GNA14: variants seen among roughly 807,000 people sequenced by gnomAD.
GNA14 encodes guanine nucleotide-binding protein subunit alpha-14.
GNA14 carries 50 observed loss-of-function variants against 42.0 expected under a neutral mutation model. The observed-to-expected ratio is 1.19, with a 90% CI of 0.95 to 1.51. The LOEUF is 1.51. Among genes scored for constraint, GNA14 ranks in the 40% most tolerant of loss-of-function variants. The probability of loss-of-function intolerance (pLI) is 0.00; values close to 1 mark genes in which losing one functional copy is unlikely to be tolerated. For synonymous variants in GNA14, 173 were observed against 163.1 expected (o/e 1.06, Z -0.46); for missense variants, 473 against 446.2 (o/e 1.06, Z -0.54).
intron 1 of GNA14, among the ~76,000 whole-genome samples, chr9:77,623,740 A>G (rs1316350504): frequency 2.0e-5 from 3 of 152,184 alleles, no homozygotes; most frequent in Non-Finnish European, 4.4e-5. Context: ...TCTGGCCCCA[A>G]TACTACACTT....
In GNA14 at chr9:77,564,311, A is replaced by C. The variant is rs561746434; in HGVS notation, c.125-35058T>G. On this transcript the variant is annotated intron_variant, in intron 1 of 6. Coordinates refer to ENST00000341700, the MANE Select transcript of GNA14 (RefSeq NM_004297.4). The stretch of plus-strand genomic sequence containing the variant: ...CAGCACAATTTAAAAAAAAAAAAAA[A>C]AAACTTATTTTTAAGAGACAAGGGA... Among the ~76,000 whole-genome samples the C allele has an allele frequency of 9.1e-3, 1,381 of 151,588 alleles. 31 individuals carry two copies. Among genetic ancestry groups the C allele is most frequent in the African/African-American group, 0.032 (1,310 of 41,326 alleles).
At chr9:77,464,599 C>T (rs1483873861) in intron 2 of GNA14, among the ~76,000 whole-genome samples, 3 of 152,002 alleles carry the variant, frequency 2.0e-5, no homozygotes, top group Non-Finnish European at 4.4e-5. Flanking sequence ...ATTCAAAACA[C>T]ACAAGTCAAT....
At position 77,454,052 on chromosome 9, in the gene GNA14, C is replaced by T. The variant is rs115498591; in HGVS notation, c.310-19530G>A. On this transcript the variant is annotated intron_variant, in intron 2 of 6. Coordinates refer to ENST00000341700, the MANE Select transcript of GNA14 (RefSeq NM_004297.4). ...GCACAGGCACAAAGCTCAGGCTCCT[C>T]GCCCGCTCCGTGCAGCATCCGATCT... Among the ~76,000 whole-genome samples, 394 of 152,314 alleles carry T rather than the reference C, an allele frequency of 2.6e-3. 2 individuals carry two copies. Among genetic ancestry groups the T allele is most frequent in the African/African-American group, 7.8e-3 (323 of 41,562 alleles).
rs546079999 is a variant in GNA14, at chr9:77,427,538, C to T, written c.723+1369G>A. ...TGAGTCCTTTATTGATTTACTTTCA[C>T]GCCTTGGAAACAAAAGACATTTTTT... is the stretch of plus-strand genomic sequence containing the variant. On this transcript the variant is annotated intron_variant, in intron 5 of 6. Coordinates refer to ENST00000341700, the MANE Select transcript of GNA14 (RefSeq NM_004297.4). 5.4e-5 allele frequency among the ~76,000 whole-genome samples: 7 copies of T among 129,080 alleles called. No individual in the cohort carries two copies. In the East Asian group the frequency reaches 6.0e-4, roughly 11 times the overall value. The allele number at this position is 129,080 out of a possible 152,430, so 84.7% of individuals were successfully genotyped here. A position where few individuals can be genotyped will look rare whatever the true frequency, so the allele number is the denominator to read the frequency against.
At chr9:77,572,011 G>T (rs983676355) in intron 1 of GNA14, among the ~76,000 whole-genome samples, 1 of 151,954 alleles carries the variant, frequency 6.6e-6, no homozygotes, top group Non-Finnish European at 1.5e-5. Context: ...GGTTTCTAGC[G>T]ATTTCAATTG....
intron 2 of GNA14, among the ~76,000 whole-genome samples, chr9:77,468,406 T>C (rs922404279): frequency 2.6e-5 from 4 of 152,224 alleles, no homozygotes; most frequent in African/African-American, 9.7e-5. Context: ...AGGTCTGAAA[T>C]CTTTCCTTTT....
At chr9:77,469,534 CA>C (rs11406003) in intron 2 of GNA14, among the ~76,000 whole-genome samples, 106 of 144,786 alleles carry the variant, frequency 7.3e-4, no homozygotes, top group Admixed American at 1.1e-3. Flanking sequence ...GACTGACAAC[CA>C]AAAAAAAAAA....
At chr9:77,587,125 A>AAAAG (rs1333350526) in intron 1 of GNA14, among the ~76,000 whole-genome samples, 1 of 151,840 alleles carries the variant, frequency 6.6e-6, no homozygotes, top group East Asian at 2.0e-4. Flanking sequence ...TACTTAAAAA[A>AAAAG]AAAAGAAAAG....
intron 1 of GNA14, among the ~76,000 whole-genome samples, chr9:77,609,130 G>A (rs1361415151): frequency 2.0e-5 from 3 of 152,090 alleles, no homozygotes; most frequent in East Asian, 3.8e-4. Flanking sequence ...AAGCAGTCAG[G>A]AAGAACCAAG....
intron 2 of GNA14, among the ~76,000 whole-genome samples, chr9:77,481,978 A>G (rs1344906836): frequency 6.6e-6 from 1 of 152,106 alleles, no homozygotes; most frequent in Non-Finnish European, 1.5e-5. Flanking sequence ...AATACAGCAC[A>G]CTGATGGGTC....
intron 1 of GNA14, among the ~76,000 whole-genome samples, chr9:77,547,284 T>G (rs1330576990): frequency 1.3e-5 from 2 of 152,214 alleles, no homozygotes; most frequent in African/African-American, 2.4e-5. Flanking sequence ...ATAGCTATTA[T>G]CTGTGTTAAT....
chr9:77,590,130 CTGG>C (rs1202409592), intron 1 of GNA14, among the ~76,000 whole-genome samples: 3 of 152,120 alleles, frequency 2.0e-5, no homozygotes, highest in Admixed American at 6.6e-5. Flanking sequence ...ATTGGCCAGG[CTGG>C]TCTTGAAGTC....
chr9:77,432,587 C>T (rs941101562), intron 3 of GNA14, among the ~76,000 whole-genome samples: 2 of 152,094 alleles, frequency 1.3e-5, no homozygotes, highest in South Asian at 2.1e-4. Flanking sequence ...GGTTGAAAAC[C>T]GCTGGCCCAG....
intron 1 of GNA14, 96 bp downstream of exon 1, chr9:77,647,574 G>A: frequency 7.2e-7 from 1 of 1,385,932 alleles, no homozygotes; most frequent in East Asian, 2.5e-5. Context: ...CCTGCACCCC[G>A]CTGGGCTCCA....
intron 2 of GNA14, among the ~76,000 whole-genome samples, chr9:77,473,071 C>G (rs923821690): frequency 6.6e-6 from 1 of 152,234 alleles, no homozygotes; most frequent in South Asian, 2.1e-4. Flanking sequence ...AGAACAGCAT[C>G]AAAGAGGAAT....
At chr9:77,589,472 A>T (rs1270609440) in intron 1 of GNA14, among the ~76,000 whole-genome samples, 2 of 152,084 alleles carry the variant, frequency 1.3e-5, no homozygotes, top group East Asian at 3.9e-4. Context: ...TTTGTTTAAT[A>T]TATCACCTTA....
intron 2 of GNA14, among the ~76,000 whole-genome samples, chr9:77,512,637 C>T (rs899635344): frequency 8.5e-5 from 13 of 152,164 alleles, no homozygotes; most frequent in Admixed American, 7.2e-4. Flanking sequence ...CATACACACA[C>T]AAAGGGATAT....
rs1429873176 is a variant in GNA14, at chr9:77,423,555, AT to A, written c.*423del. ...AGGTTTAATAAAAAGCTTCAAACCC[AT>A]TAACATTCTTATTTTTAAAAAAGTC... On this transcript the variant is annotated 3_prime_UTR_variant, in exon 7 of 7. Transcript: ENST00000341700. 2.0e-5 allele frequency: 3 copies of A among 152,590 alleles called. No homozygotes were observed. The East Asian group carries it at 5.8e-4, about 29-fold the overall frequency. 9.5% of individuals were successfully genotyped at this position (152,590 alleles called of 1,614,324 possible). A position where few individuals can be genotyped will look rare whatever the true frequency, so the allele number is the denominator to read the frequency against.
At chr9:77,641,965 G>C (rs1420983419) in intron 1 of GNA14, among the ~76,000 whole-genome samples, 4 of 152,162 alleles carry the variant, frequency 2.6e-5, no homozygotes, top group African/African-American at 7.2e-5. Flanking sequence ...TATGTTGTTT[G>C]TGCTATTCTT....
Sources: gnomAD v4.1 joint callset for allele counts (sites outside exome capture counted in the v4.1 genomes callset) on GRCh38, gnomAD v4.1.1 for gene constraint, MANE v1.5 for transcripts, NCBI Gene and HGNC (gene_info 2026-07-23, HGNC 2026-07-21) for gene names.